RCL1: variants seen among roughly 807,000 people sequenced by gnomAD.
The protein encoded by RCL1 is RNA terminal phosphate cyclase like 1.
RCL1 carries 24 observed loss-of-function variants against 42.4 expected under a neutral mutation model. The ratio of observed to expected loss-of-function variants is 0.57; its 90% CI spans 0.41 to 0.80. The LOEUF is 0.80. Ranked by LOEUF, RCL1 falls within the 30% of genes least tolerant of loss-of-function variation. The probability of loss-of-function intolerance (pLI) is 0.00; values close to 1 mark genes in which losing one functional copy is unlikely to be tolerated. For missense variants in RCL1, 578 were observed against 467.9 expected (o/e 1.24, Z -2.17); for synonymous variants, 228 against 177.3 (o/e 1.29, Z -2.27).
chr9:4,847,282 A>G (rs1311936858), intron 7 of RCL1, among the ~76,000 whole-genome samples: 2 of 152,096 alleles, frequency 1.3e-5, no homozygotes, highest in Admixed American at 1.3e-4. Context: ...TTTTATGTCT[A>G]TGATCTTTAA....
intron 1 of RCL1, among the ~76,000 whole-genome samples, chr9:4,813,838 C>T (rs1365315528): frequency 6.6e-6 from 1 of 152,204 alleles, no homozygotes; most frequent in Admixed American, 6.5e-5. Context: ...CACATATACA[C>T]CATGGAATAC....
chr9:4,841,736 G>A (rs1404810289), intron 6 of RCL1, among the ~76,000 whole-genome samples: 6 of 152,210 alleles, frequency 3.9e-5, no homozygotes, highest in African/African-American at 1.4e-4. Flanking sequence ...TTATCTAAGT[G>A]TAAGTCAGCA....
rs1373031955 is a variant in RCL1, at chr9:4,827,015, T to A, written c.366T>A (p.Asn122Lys). The change falls in exon 3 of 9, where the codon AAT (asparagine) becomes AAA (lysine). Residue 122 changes from asparagine (N) to lysine (K), a missense_variant. Asn to Lys is a moderately conservative substitution (Grantham distance 94). Transcript: ENST00000381750. The stretch of plus-strand genomic sequence containing the variant: ...AAATAGTTCTACGAGGAGTGACCAA[T>A]GATCAGGTTGACCCTTCAGTGAGTA... ...PLKIVLRGVT[N>K]DQVDPSVDVL... 2 of 1,614,220 alleles carry A rather than the reference T, an allele frequency of 1.2e-6. No individual in the cohort carries two copies. The highest frequency in any genetic ancestry group is 1.7e-6 in the Non-Finnish European group (2 of 1,180,048).
At chr9:4,857,142 T>A (rs1817987903) in intron 8 of RCL1, among the ~76,000 whole-genome samples, 1 of 152,200 alleles carries the variant, frequency 6.6e-6, no homozygotes, top group Non-Finnish European at 1.5e-5. Flanking sequence ...AGTACACAGT[T>A]TAAAGGTTTT....
intron 1 of RCL1, among the ~76,000 whole-genome samples, chr9:4,820,467 T>C (rs1816555805): frequency 6.6e-6 from 1 of 152,232 alleles, no homozygotes; most frequent in Admixed American, 6.5e-5. Flanking sequence ...TGGAGTTCTC[T>C]TTATGCCCAT....
chr9:4,827,325 G>T, intron 3 of RCL1: 1 of 1,167,652 alleles, frequency 8.6e-7, no homozygotes, highest in Non-Finnish European at 1.2e-6. Flanking sequence ...CTATAGTTCT[G>T]CTGGCTGTAT....
chr9:4,841,464 A>G (rs1046445027), intron 6 of RCL1, 107 bp downstream of exon 6: 4 of 845,990 alleles, frequency 4.7e-6, no homozygotes, highest in African/African-American at 1.7e-5. Context: ...AGGAAGAACA[A>G]TTTCAGAATT....
intron 7 of RCL1, among the ~76,000 whole-genome samples, chr9:4,849,138 C>T (rs1397270406): frequency 6.7e-6 from 1 of 149,204 alleles, no homozygotes; most frequent in African/African-American, 2.5e-5. Flanking sequence ...TGTCCTCCTG[C>T]TGCTGCTTTA....
At chr9:4,815,412 A>C (rs1375545726) in intron 1 of RCL1, among the ~76,000 whole-genome samples, 1 of 147,548 alleles carries the variant, frequency 6.8e-6, no homozygotes, top group Non-Finnish European at 1.5e-5. Flanking sequence ...TATTATATTT[A>C]TTTCATTCAT....
chr9:4,858,702 A>C (rs10121212), intron 8 of RCL1, among the ~76,000 whole-genome samples: 44,286 of 151,888 alleles, frequency 0.29, 7,106 homozygotes, highest in South Asian at 0.42. Context: ...CTATGTGTTT[A>C]GCGTCAGTGT....
intron 4 of RCL1, among the ~76,000 whole-genome samples, chr9:4,833,580 T>C (rs923906696): frequency 3.9e-5 from 6 of 152,234 alleles, no homozygotes; most frequent in Non-Finnish European, 7.3e-5. Context: ...CTAAATGATC[T>C]GGATATAATT....
At chr9:4,834,037 C>A (rs889804321) in intron 4 of RCL1, 104 bp from the exon 5 acceptor site, 1 of 1,285,526 alleles carries the variant, frequency 7.8e-7, no homozygotes, top group Non-Finnish European at 1.1e-6. Flanking sequence ...AAGAGCTATG[C>A]CTTGTAAGGA....
At chr9:4,849,317 A>G in intron 7 of RCL1, 130 bp from the exon 8 acceptor site, 2 of 664,366 alleles carry the variant, frequency 3.0e-6, no homozygotes, top group Non-Finnish European at 5.3e-6. Context: ...TAAGACCTGT[A>G]TTCTGTTTTA....
At chr9:4,806,367 A>C (rs80324870) in intron 1 of RCL1, among the ~76,000 whole-genome samples, 7 of 152,204 alleles carry the variant, frequency 4.6e-5, no homozygotes, top group Non-Finnish European at 1.0e-4. Context: ...TTTTATGTAG[A>C]TTTTAAAAAG....
intron 8 of RCL1, among the ~76,000 whole-genome samples, chr9:4,849,804 T>C (rs890057589): frequency 5.3e-5 from 8 of 152,240 alleles, no homozygotes; most frequent in Non-Finnish European, 1.0e-4. Flanking sequence ...TTGTTCGTGC[T>C]TTAGATTTTG....
chr9:4,844,777 C>A, intron 7 of RCL1, 96 bp downstream of exon 7: 1 of 1,281,870 alleles, frequency 7.8e-7, no homozygotes, highest in East Asian at 2.3e-5. Context: ...TCCAAGGGCT[C>A]AAGCCAAGGA....
At position 4,825,737 on chromosome 9, in the gene RCL1, A is replaced by G. The variant is rs540360800; in HGVS notation, c.209-1121A>G. 4.6e-5 allele frequency among the ~76,000 whole-genome samples: 7 copies of G among 152,268 alleles called. No individual in the cohort carries two copies. The East Asian group carries it at 1.3e-3, about 29-fold the overall frequency. On this transcript the variant is annotated intron_variant, in intron 2 of 8. Transcript: ENST00000381750. ...GTTTTTTACATTGATATGTAAATCT[A>G]GTAAGAAGCTTTTTGGAGAGCCAGG...
At chr9:4,823,224 G>A (rs1816652227) in intron 1 of RCL1, among the ~76,000 whole-genome samples, 1 of 151,462 alleles carries the variant, frequency 6.6e-6, no homozygotes, top group Non-Finnish European at 1.5e-5. Flanking sequence ...CAGAAGAATA[G>A]GTCTTAAGGG....
chr9:4,819,071 A>G (rs1341834949), intron 1 of RCL1, among the ~76,000 whole-genome samples: 1 of 152,226 alleles, frequency 6.6e-6, no homozygotes, highest in East Asian at 1.9e-4. Context: ...TTTTGTTTAT[A>G]ATTTAAATTT....
Sources: gnomAD v4.1 joint callset for allele counts (sites outside exome capture counted in the v4.1 genomes callset) on GRCh38, gnomAD v4.1.1 for gene constraint, MANE v1.5 for transcripts, NCBI Gene and HGNC (gene_info 2026-07-23, HGNC 2026-07-21) for gene names.